The following LIN54 variants were observed in gnomAD, a reference collection of about 807,000 sequenced individuals.
LIN54 encodes lin-54 DREAM MuvB core complex component, also known as protein lin-54 homolog.
A neutral mutation model predicts 78.7 loss-of-function variants in LIN54; 9 were observed. The observed-to-expected ratio is 0.11, with a 90% CI of 0.07 to 0.20. LIN54 has a LOEUF of 0.20. Ranked by LOEUF, LIN54 falls within the 10% of genes least tolerant of loss-of-function variation. The pLI is 1.00. For missense variants in LIN54, 573 were observed against 889.9 expected (o/e 0.64, Z 4.53); for synonymous variants, 269 against 318.4 (o/e 0.84, Z 1.65).
At chr4:82,989,754 AGCAAAGCTT>A (rs1191084617) in intron 1 of LIN54, among the ~76,000 whole-genome samples, 5 of 152,192 alleles carry the variant, frequency 3.3e-5, no homozygotes, top group African/African-American at 1.2e-4. Context: ...TAGAGCAGTA[AGCAAAGCTT>A]GCATTTACTT....
At chr4:82,955,072 CTG>C (rs1348302950) in intron 4 of LIN54, among the ~76,000 whole-genome samples, 1 of 152,140 alleles carries the variant, frequency 6.6e-6, no homozygotes, top group Non-Finnish European at 1.5e-5. Context: ...TAAAAATACA[CTG>C]TTAAAAGAAT....
At chr4:82,961,334 G>A (rs1248213716) in intron 4 of LIN54, among the ~76,000 whole-genome samples, 1 of 152,132 alleles carries the variant, frequency 6.6e-6, no homozygotes, top group African/African-American at 2.4e-5. Context: ...AGTAGGAGGA[G>A]TTCAAGAAGA....
intron 1 of LIN54, among the ~76,000 whole-genome samples, chr4:82,996,146 C>G (rs1041855509): frequency 1.3e-5 from 2 of 151,892 alleles, no homozygotes; most frequent in Non-Finnish European, 2.9e-5. Context: ...TTCAGAAGGA[C>G]TGGGCATGGC....
At chr4:83,010,430 C>CAAAAA in intron 1 of LIN54, 54 bp downstream of exon 1, 3 of 577,000 alleles carry the variant, frequency 5.2e-6, no homozygotes, top group Non-Finnish European at 6.7e-6. Context: ...CCCATCCCCC[C>CAAAAA]AAATAAAGAG....
intron 1 of LIN54, among the ~76,000 whole-genome samples, chr4:82,993,218 C>T (rs868372018): frequency 1.6e-5 from 2 of 128,286 alleles, no homozygotes; most frequent in South Asian, 4.9e-4. Flanking sequence ...TTTCTAGAAT[C>T]TTTTTTTTTT....
chr4:83,010,585 C>G lies in LIN54; in HGVS notation c.-134G>C. On this transcript the variant is annotated 5_prime_UTR_variant, in exon 1 of 13. Coordinates refer to ENST00000340417, the MANE Select transcript of LIN54 (RefSeq NM_194282.4). ...CGGCGGGGCTTGTTTTGCCCGTGCACGATAGCTCTGGCCAGCAGCTTCCTT... is the reference window on the plus strand; with the variant it reads ...CGGCGGGGCTTGTTTTGCCCGTGCAGGATAGCTCTGGCCAGCAGCTTCCTT... 8.2e-7 allele frequency: 1 copy of G among 1,223,352 alleles called. No individual in the cohort carries two copies. The highest frequency in any genetic ancestry group is 1.0e-6 in the Non-Finnish European group (1 of 982,766). 75.8% of individuals were successfully genotyped at this position (1,223,352 alleles called of 1,614,324 possible).
At chr4:82,941,495 G>A (rs979282857) in intron 5 of LIN54, among the ~76,000 whole-genome samples, 1 of 152,070 alleles carries the variant, frequency 6.6e-6, no homozygotes. Context: ...AATTCAGTAC[G>A]CAATGAGAAG....
intron 6 of LIN54, 71 bp from the exon 7 acceptor site, chr4:82,939,807 T>G: frequency 2.5e-6 from 4 of 1,587,002 alleles, no homozygotes; most frequent in Non-Finnish European, 3.5e-6. Context: ...TATAAATCTC[T>G]TGCACCTAAA....
Position 82,970,315 on chromosome 4 carries a change from T to G in LIN54, c.951+12A>C, listed in dbSNP as rs769372707. The G allele has an allele frequency of 6.2e-7, 1 of 1,604,852 alleles. No individual in the cohort carries two copies. Among genetic ancestry groups the G allele is most frequent in the Non-Finnish European group, 8.5e-7 (1 of 1,176,178 alleles). Reference sequence around the variant, plus strand: ...ACAATATTTGGTATTTGTGGCTAATTTATTTTTTTACCTTATTTGGCGATT... The same window carrying G: ...ACAATATTTGGTATTTGTGGCTAATGTATTTTTTTACCTTATTTGGCGATT... On this transcript the variant is annotated intron_variant, in intron 4 of 12. Coordinates refer to ENST00000340417, the MANE Select transcript of LIN54 (RefSeq NM_194282.4).
rs183424656 is a variant in LIN54, at chr4:82,972,865, C to T, written c.809-2396G>A. Among the ~76,000 whole-genome samples the T allele has an allele frequency of 6.8e-3, 1,026 of 150,926 alleles. 22 individuals are homozygous for T. The highest frequency in any genetic ancestry group is 0.024 in the African/African-American group (983 of 41,040). Reference sequence around the variant, plus strand: ...GCGTGGTAGCGTGCGTCTATAATCCCAGCTACTCGGGAGGCAGAGGTTGCA... The same window carrying T: ...GCGTGGTAGCGTGCGTCTATAATCCTAGCTACTCGGGAGGCAGAGGTTGCA... On this transcript the variant is annotated intron_variant, in intron 3 of 12. Coordinates refer to ENST00000340417, the MANE Select transcript of LIN54 (RefSeq NM_194282.4).
chr4:82,939,862 C>A, intron 6 of LIN54, 27 bp downstream of exon 6: 1 of 1,602,076 alleles, frequency 6.2e-7, no homozygotes. Context: ...TTGGGAAAGA[C>A]TGAGAAAGAA....
In LIN54 at chr4:82,925,123, G is replaced by A. The variant is rs1053910008; in HGVS notation, c.*2979C>T. ...ACCCCAGAGATAAGACCTACAGGTT[G>A]TGTTTAGTGCTTCAGAAAAAAAGGA... On this transcript the variant is annotated 3_prime_UTR_variant, in exon 13 of 13. Coordinates refer to ENST00000340417, the MANE Select transcript of LIN54 (RefSeq NM_194282.4). 2 of 152,608 alleles carry A rather than the reference G, an allele frequency of 1.3e-5. No individual in the cohort carries two copies. The highest frequency in any genetic ancestry group is 4.8e-5 in the African/African-American group (2 of 41,448). The allele number at this position is 152,608 out of a possible 1,614,324, so 9.5% of individuals were successfully genotyped here.
chr4:82,942,368 G>C (rs1452448512), intron 5 of LIN54, among the ~76,000 whole-genome samples: 1 of 152,136 alleles, frequency 6.6e-6, no homozygotes, highest in Non-Finnish European at 1.5e-5. Context: ...CCAGTGAATG[G>C]TATGCTTTGA....
At position 82,993,218 on chromosome 4, in the gene LIN54, C is replaced by CTTTT. The variant is rs200555092; in HGVS notation, c.-32-8346_-32-8343dup. On this transcript the variant is annotated intron_variant, in intron 1 of 12. Coordinates refer to ENST00000340417, the MANE Select transcript of LIN54 (RefSeq NM_194282.4). The stretch of plus-strand genomic sequence containing the variant: ...TGATTTGTTCTTCTTTTTCTAGAAT[C>CTTTT]TTTTTTTTTTTTTTTGAGATGGAGT... Among the ~76,000 whole-genome samples the CTTTT allele has an allele frequency of 2.6e-3, 336 of 128,276 alleles. 11 individuals are homozygous for CTTTT. The highest frequency in any genetic ancestry group is 4.4e-3 in the East Asian group (19 of 4,332). The allele number at this position is 128,276 out of a possible 152,430, so 84.2% of individuals were successfully genotyped here.
At chr4:83,004,183 G>A (rs1489356857) in intron 1 of LIN54, among the ~76,000 whole-genome samples, 1 of 151,934 alleles carries the variant, frequency 6.6e-6, no homozygotes, top group East Asian at 1.9e-4. Flanking sequence ...AGATTGCGAG[G>A]TCAGGAGTTT....
In LIN54 at chr4:82,984,142, G is replaced by A. The variant is rs774647128; in HGVS notation, c.684+19C>T. On this transcript the variant is annotated intron_variant, in intron 2 of 12. Transcript: ENST00000340417. ...TTTAAACATGCATTTTAATTAGTAA[G>A]CCCCCTTTTTTCTTTTACCTGTACT... 2 of 1,521,168 alleles carry A rather than the reference G, an allele frequency of 1.3e-6. No individual in the cohort carries two copies. Among genetic ancestry groups the A allele is most frequent in the Non-Finnish European group, 1.8e-6 (2 of 1,125,178 alleles). 94.2% of individuals were successfully genotyped at this position (1,521,168 alleles called of 1,614,324 possible). A position where few individuals can be genotyped will look rare whatever the true frequency, so the allele number is the denominator to read the frequency against.
At chr4:82,967,085 G>C (rs1003885555) in intron 4 of LIN54, among the ~76,000 whole-genome samples, 1 of 151,906 alleles carries the variant, frequency 6.6e-6, no homozygotes, top group Non-Finnish European at 1.5e-5. Context: ...AAAATTAGCT[G>C]GGTGGTGGCA....
chr4:83,000,824 A>ATTATTTTT (rs1553959263), intron 1 of LIN54, among the ~76,000 whole-genome samples: 2 of 3,222 alleles, frequency 6.2e-4, no homozygotes, highest in Non-Finnish European at 1.5e-3. Context: ...AAAGCAATAA[A>ATTATTTTT]TTCTTTTTTT....
intron 3 of LIN54, among the ~76,000 whole-genome samples, chr4:82,971,623 T>G (rs1725663424): frequency 6.6e-6 from 1 of 152,066 alleles, no homozygotes; most frequent in East Asian, 1.9e-4. Context: ...TGATCCAGGC[T>G]GTCAGGTTAA....
Sources: gnomAD v4.1 joint callset for allele counts (sites outside exome capture counted in the v4.1 genomes callset) on GRCh38, gnomAD v4.1.1 for gene constraint, MANE v1.5 for transcripts, NCBI Gene and HGNC (gene_info 2026-07-23, HGNC 2026-07-21) for gene names.